The following PARVB variants were observed in gnomAD, a reference collection of about 807,000 sequenced individuals.
PARVB encodes the protein parvin beta, also known as beta-parvin.
In PARVB, 46 loss-of-function variants were observed where a neutral mutation model predicts 47.0. The observed-to-expected ratio is 0.98, with a 90% CI of 0.77 to 1.25. The LOEUF (loss-of-function observed/expected upper bound fraction) is 1.25. Among genes scored for constraint, PARVB ranks in the 50% most tolerant of loss-of-function variants. The probability of loss-of-function intolerance (pLI) is 0.00; values close to 1 mark genes in which losing one functional copy is unlikely to be tolerated. For missense variants in PARVB, 473 were observed against 471.6 expected (o/e 1.00, Z -0.03); for synonymous variants, 196 against 196.3 (o/e 1.00, Z 0.01).
At chr22:44,120,203 T>G (rs1263311398) in intron 4 of PARVB, among the ~76,000 whole-genome samples, 1 of 152,206 alleles carries the variant, frequency 6.6e-6, no homozygotes, top group Non-Finnish European at 1.5e-5. Context: ...CGCTCCTGCA[T>G]GATCACAGCT....
intron 1 of PARVB, among the ~76,000 whole-genome samples, chr22:44,034,146 T>G (rs1046623429): frequency 6.7e-6 from 1 of 150,290 alleles, no homozygotes; most frequent in Non-Finnish European, 1.5e-5. Context: ...AAGAATAATT[T>G]TGGAATTCAT....
chr22:44,016,274 T>G (rs939409096), intron 2 of PARVB, among the ~76,000 whole-genome samples: 1 of 152,034 alleles, frequency 6.6e-6, no homozygotes, highest in Non-Finnish European at 1.5e-5. Context: ...TTTTTTGTAT[T>G]TTTAGTAGAG....
rs77124150 is a variant in PARVB at position 44,155,484 on chromosome 22, T to C, written c.844-2498T>C. Among the ~76,000 whole-genome samples the C allele has an allele frequency of 9.1e-3, 1,380 of 152,244 alleles. 25 individuals carry two copies. Among genetic ancestry groups the C allele is most frequent in the African/African-American group, 0.031 (1,302 of 41,552 alleles). ...CCCTCCTTCCTGTGAGCCCGTGTGC[T>C]GGGACAGTGAGGAGACACCACGGAA... On this transcript the variant is annotated intron_variant, in intron 10 of 12. Coordinates refer to ENST00000338758, the MANE Select transcript of PARVB (RefSeq NM_013327.5). The surrounding 1 kb of genome is among the most constrained non-coding windows in gnomAD (Gnocchi z 4.8).
intron 10 of PARVB, among the ~76,000 whole-genome samples, chr22:44,157,295 C>T (rs2053956587): frequency 6.6e-6 from 1 of 152,172 alleles, no homozygotes; most frequent in South Asian, 2.1e-4. Context: ...GGTGCTCCCT[C>T]CCAGCCGTCT....
At chr22:44,005,002 T>G (rs1192210473) in intron 2 of PARVB, among the ~76,000 whole-genome samples, 1 of 152,238 alleles carries the variant, frequency 6.6e-6, no homozygotes, top group East Asian at 1.9e-4. Flanking sequence ...CTGACCGACC[T>G]GCTTATGAGC....
At chr22:44,033,734 T>C (rs2050865246) in intron 1 of PARVB, among the ~76,000 whole-genome samples, 1 of 152,226 alleles carries the variant, frequency 6.6e-6, no homozygotes, top group Admixed American at 6.5e-5. Context: ...GTGTTTTCAT[T>C]TGAAAAATTA....
At position 44,157,524 on chromosome 22, in the gene PARVB, G is replaced by A. The variant is rs1276161354; in HGVS notation, c.844-458G>A. 3.9e-5 allele frequency among the ~76,000 whole-genome samples: 6 copies of A among 152,170 alleles called. No individual in the cohort carries two copies. The East Asian group carries it at 1.2e-3, about 29-fold the overall frequency. On this transcript the variant is annotated intron_variant, in intron 10 of 12. Coordinates refer to ENST00000338758, the MANE Select transcript of PARVB (RefSeq NM_013327.5). ...AGGTCTCAAAAGACTTCACATTCAG[G>A]CCTTCACTTGATTCCAGATTCTCCT... is the stretch of plus-strand genomic sequence containing the variant.
chr22:44,009,576 T>C (rs1048099862), intron 2 of PARVB: 1 of 151,458 alleles, frequency 6.6e-6, no homozygotes, highest in Non-Finnish European at 1.5e-5. Context: ...TAAAAACCTA[T>C]ATATATACAC....
At chr22:43,999,758 C>T in intron 2 of PARVB, 1 of 785,082 alleles carries the variant, frequency 1.3e-6, no homozygotes, top group Admixed American at 2.2e-5. Context: ...CTTTGGGAGG[C>T]TGAGGAGGGA....
intron 1 of PARVB, among the ~76,000 whole-genome samples, chr22:44,048,037 G>A (rs547224709): frequency 1.8e-4 from 27 of 152,302 alleles, no homozygotes; most frequent in African/African-American, 6.5e-4. Context: ...TTCCCCACAG[G>A]ACCAGTGGGC....
chr22:44,164,448 A>C (rs1601709808), intron 12 of PARVB, among the ~76,000 whole-genome samples: 1 of 145,414 alleles, frequency 6.9e-6, no homozygotes, highest in African/African-American at 2.6e-5. Context: ...CTATAGGAGG[A>C]CTCTCTAACC....
intron 3 of PARVB, among the ~76,000 whole-genome samples, chr22:44,102,057 A>G (rs2052459958): frequency 6.6e-6 from 1 of 152,220 alleles, no homozygotes; most frequent in African/African-American, 2.4e-5. Context: ...ACGGAGGCTG[A>G]GAAGTCCCCC....
chr22:44,131,711 T>G lies in PARVB; in HGVS notation c.517+84T>G, dbSNP rs554920923. 2.1e-5 allele frequency: 30 copies of G among 1,421,320 alleles called. No homozygotes were observed. In the South Asian group the frequency reaches 4.1e-4, roughly 19 times the overall value. The allele number at this position is 1,421,320 out of a possible 1,614,324, so 88.0% of individuals were successfully genotyped here. ...CGTCATCCACATTTGTCATCCACAT[T>G]CATCATCATCCCATCTGGCCTTGCA... On this transcript the variant is annotated intron_variant, in intron 5 of 12. Transcript: ENST00000338758.
chr22:44,140,270 C>A, intron 8 of PARVB, 127 bp downstream of exon 8: 1 of 951,970 alleles, frequency 1.1e-6, no homozygotes, highest in Non-Finnish European at 1.7e-6. Context: ...CCCCATAGTT[C>A]TGGAATCCTA....
rs957776198 is a variant in PARVB, at chr22:44,136,514, A to C, written c.688A>C (p.Thr230Pro). 1 of 1,613,426 alleles carries C rather than the reference A, an allele frequency of 6.2e-7. No homozygotes were observed. The highest frequency in any genetic ancestry group is 1.3e-5 in the African/African-American group (1 of 74,812). Residue 230 changes from threonine to proline, a missense_variant, in exon 7 of 13, where the codon ACA becomes CCA. Physicochemically the swap from Thr to Pro is conservative, Grantham distance 38. Transcript: ENST00000338758. The stretch of plus-strand genomic sequence containing the variant: ...CATCTCGGAGGAGCTGACCACAACT[A>C]CAGAGTAAGTGGACCCCTGTCTTGC... ...SHISEELTTT[T>P]EMMMGRFERD...
At chr22:44,009,888 A>T (rs963112090) in intron 2 of PARVB, among the ~76,000 whole-genome samples, 3 of 150,768 alleles carry the variant, frequency 2.0e-5, no homozygotes, top group Non-Finnish European at 2.9e-5. Context: ...GCTCACTGCA[A>T]CCTCTGCCTC....
chr22:44,057,913 G>T (rs1013651365), intron 1 of PARVB, among the ~76,000 whole-genome samples: 4 of 152,002 alleles, frequency 2.6e-5, no homozygotes, highest in Non-Finnish European at 4.4e-5. Flanking sequence ...GGAAGCCTGG[G>T]CTCTTTGAGA....
chr22:44,045,901 T>C (rs962118896), intron 1 of PARVB, among the ~76,000 whole-genome samples: 1 of 152,184 alleles, frequency 6.6e-6, no homozygotes, highest in African/African-American at 2.4e-5. Flanking sequence ...CTATTTGGGA[T>C]CCCTCGAGAT....
At chr22:44,102,885 C>A (rs546155924) in intron 3 of PARVB, 1 of 152,384 alleles carries the variant, frequency 6.6e-6, no homozygotes, top group African/African-American at 2.4e-5. Context: ...CTCCCCACCC[C>A]CAGGTGCTGG....
Sources: gnomAD v4.1 joint callset for allele counts (sites outside exome capture counted in the v4.1 genomes callset) on GRCh38, gnomAD v4.1.1 for gene constraint, Gnocchi (gnomAD v3.1) non-coding constraint, MANE v1.5 for transcripts, NCBI Gene and HGNC (gene_info 2026-07-23, HGNC 2026-07-21) for gene names.